OVGP1: variants seen among roughly 807,000 people sequenced by gnomAD.
OVGP1 encodes the protein oviduct-specific glycoprotein.
In OVGP1, 26 loss-of-function variants were observed where a neutral mutation model predicts 48.2. The observed-to-expected ratio is 0.54, with a 90% CI of 0.40 to 0.75. The LOEUF (loss-of-function observed/expected upper bound fraction) is 0.75, where lower values mean the gene tolerates loss of function less well. OVGP1 is among the 30% of genes least tolerant of loss of function. The probability of loss-of-function intolerance (pLI) is 0.00; values close to 1 mark genes in which losing one functional copy is unlikely to be tolerated. For missense variants in OVGP1, 791 were observed against 820.6 expected (o/e 0.96, Z 0.44); for synonymous variants, 294 against 305.7 (o/e 0.96, Z 0.40).
intron 4 of OVGP1, 65 bp downstream of exon 4, chr1:111,425,318 T>C: frequency 6.3e-6 from 10 of 1,596,914 alleles, no homozygotes; most frequent in Non-Finnish European, 6.8e-6. Context: ...CTTCCCCCTC[T>C]GTCTTCACGT....
intron 8 of OVGP1, among the ~76,000 whole-genome samples, chr1:111,420,261 T>G (rs1652233620): frequency 6.6e-6 from 1 of 152,206 alleles, no homozygotes; most frequent in South Asian, 2.1e-4. Flanking sequence ...AACTATATGC[T>G]GCAAAAAAGT....
At chr1:111,425,466 A>G (rs1460587363) in intron 3 of OVGP1, 27 bp from the exon 4 acceptor site, 5 of 1,613,854 alleles carry the variant, frequency 3.1e-6, no homozygotes, top group Non-Finnish European at 4.2e-6. Flanking sequence ...AGGGTTGATG[A>G]GCTGGGTTCT....
At chr1:111,416,873 G>T (rs1652150747) in intron 9 of OVGP1, among the ~76,000 whole-genome samples, 1 of 152,260 alleles carries the variant, frequency 6.6e-6, no homozygotes, top group Non-Finnish European at 1.5e-5. Context: ...ATAGAATGGT[G>T]GTTGCCAGGG....
chr1:111,422,389 A>C (rs573045304), intron 6 of OVGP1, among the ~76,000 whole-genome samples: 1 of 152,346 alleles, frequency 6.6e-6, no homozygotes, highest in African/African-American at 2.4e-5. Context: ...TTCTGTAAAT[A>C]CTTGATTCTC....
intron 1 of OVGP1, 60 bp from the exon 2 acceptor site, chr1:111,427,151 C>T: frequency 6.2e-7 from 1 of 1,611,972 alleles, no homozygotes; most frequent in Non-Finnish European, 8.5e-7. Flanking sequence ...AGTGGTATGG[C>T]ACAGCACACC....
At chr1:111,416,602 G>A (rs2101722586) in intron 9 of OVGP1, 144 bp from the exon 10 acceptor site, 1 of 571,222 alleles carries the variant, frequency 1.8e-6, no homozygotes, top group Non-Finnish European at 2.8e-6. Flanking sequence ...AGCTTTTACT[G>A]TTTATTAGCT....
At chr1:111,420,418 G>A (rs2101725412) in intron 8 of OVGP1, among the ~76,000 whole-genome samples, 1 of 152,252 alleles carries the variant, frequency 6.6e-6, no homozygotes, top group African/African-American at 2.4e-5. Flanking sequence ...TGCTTCATTG[G>A]GTTAGAAAAA....
chr1:111,426,900 C>T (rs1652414113), intron 2 of OVGP1, 162 bp downstream of exon 2: 1 of 1,547,270 alleles, frequency 6.5e-7, no homozygotes, highest in Admixed American at 2.0e-5. Context: ...CAGTCAGCGA[C>T]ACAAACAGCA....
intron 4 of OVGP1, among the ~76,000 whole-genome samples, chr1:111,424,870 A>G (rs1652358961): frequency 6.6e-6 from 1 of 152,252 alleles, no homozygotes; most frequent in African/African-American, 2.4e-5. Flanking sequence ...GCAGTTTGTA[A>G]TCTCCACGTT....
intron 10 of OVGP1, 98 bp downstream of exon 10, chr1:111,416,225 A>T (rs76261890): frequency 0.056 from 71,143 of 1,280,314 alleles, 2,780 homozygotes; most frequent in East Asian, 0.19. Context: ...CCTCAATGTC[A>T]TGTTGCCTCA....
chr1:111,425,465 G>A (rs768867826), intron 3 of OVGP1, 26 bp from the exon 4 acceptor site: 1 of 1,613,912 alleles, frequency 6.2e-7, no homozygotes. Context: ...GAGGGTTGAT[G>A]AGCTGGGTTC....
chr1:111,418,097 T>C (rs575028516), intron 9 of OVGP1, among the ~76,000 whole-genome samples: 95 of 152,322 alleles, frequency 6.2e-4, no homozygotes, highest in African/African-American at 2.2e-3. Context: ...AGGGTATAAT[T>C]ATCTCCCAAC....
intron 2 of OVGP1, 97 bp from the exon 3 acceptor site, chr1:111,426,738 C>A: frequency 1.3e-6 from 2 of 1,552,912 alleles, no homozygotes; most frequent in Non-Finnish European, 1.7e-6. Flanking sequence ...AGAGACCAGG[C>A]CACATTTTCA....
Position 111,419,757 on chromosome 1 carries a change from G to A in OVGP1, c.904-31C>T, listed in dbSNP as rs1652216057. 6 of 1,322,364 alleles carry A rather than the reference G, an allele frequency of 4.5e-6. No individual in the cohort carries two copies. The East Asian group carries it at 9.2e-5, about 20-fold the overall frequency. The allele number at this position is 1,322,364 out of a possible 1,614,324, so 81.9% of individuals were successfully genotyped here. Reference sequence around the variant, plus strand: ...AAGAGGACCACCAGGTTAGTTCTGGGAAGTGCCATGGAGATAAGCACCAAG... The same window carrying A: ...AAGAGGACCACCAGGTTAGTTCTGGAAAGTGCCATGGAGATAAGCACCAAG... On this transcript the variant is annotated intron_variant, in intron 8 of 10. Transcript: ENST00000369732.
rs142810891 is a variant in OVGP1, at chr1:111,418,334, T to C, written c.1020+1276A>G. Among the ~76,000 whole-genome samples, 3 of 152,250 alleles carry C rather than the reference T, an allele frequency of 2.0e-5. No homozygotes were observed. In the East Asian group the frequency reaches 5.8e-4, roughly 29 times the overall value. Reference sequence around the variant, plus strand: ...ACTTAACTCCATCCAATTGGGTAAATCCATTGAGTCATTAATCTTTCCTGT... The same window carrying C: ...ACTTAACTCCATCCAATTGGGTAAACCCATTGAGTCATTAATCTTTCCTGT... On this transcript the variant is annotated intron_variant, in intron 9 of 10. Coordinates refer to ENST00000369732, the MANE Select transcript of OVGP1 (RefSeq NM_002557.4).
In OVGP1 at chr1:111,421,643, A is replaced by G. The variant is rs1381278632; in HGVS notation, c.639T>C (p.Tyr213=). Residue 213 remains tyrosine, a synonymous_variant, in exon 7 of 11, where the codon TAT becomes TAC. Coordinates refer to ENST00000369732, the MANE Select transcript of OVGP1 (RefSeq NM_002557.4). The part of the protein sequence containing the change: ...RLLDFINVLS[Y]DLHGSWERFT... ...ACCTTTCCCAACTTCCATGTAAGTC[A>G]TAAGACAAGACATTGATGAAATCCA... 17 of 1,611,528 alleles carry G rather than the reference A, an allele frequency of 1.1e-5. No homozygotes were observed. Among genetic ancestry groups the G allele is most frequent in the Non-Finnish European group, 1.4e-5 (16 of 1,177,698 alleles).
At chr1:111,421,914 T>C (rs953418354) in intron 6 of OVGP1, among the ~76,000 whole-genome samples, 2 of 152,094 alleles carry the variant, frequency 1.3e-5, no homozygotes, top group Non-Finnish European at 2.9e-5. Context: ...AGGCAGGAGT[T>C]AGATGAGAGA....
At chr1:111,419,869 A>T in intron 8 of OVGP1, 143 bp from the exon 9 acceptor site, 1 of 628,324 alleles carries the variant, frequency 1.6e-6, no homozygotes. Context: ...GAGAATGGAG[A>T]GGCCACTCAC....
At chr1:111,426,392 C>G in intron 3 of OVGP1, 45 bp downstream of exon 3, 1 of 1,612,666 alleles carries the variant, frequency 6.2e-7, no homozygotes, top group South Asian at 1.1e-5. Context: ...TATCTTATAC[C>G]TGTGAAATCT....
Sources: gnomAD v4.1 joint callset for allele counts (sites outside exome capture counted in the v4.1 genomes callset) on GRCh38, gnomAD v4.1.1 for gene constraint, MANE v1.5 for transcripts, NCBI Gene and HGNC (gene_info 2026-07-23, HGNC 2026-07-21) for gene names.